Variants in ARHGAP6 observed in about 807,000 individuals in gnomAD.
ARHGAP6 encodes rho GTPase-activating protein 6.
ARHGAP6 carries 16 observed loss-of-function variants against 55.7 expected under a neutral mutation model. The observed-to-expected ratio is 0.29, with a 90% CI of 0.19 to 0.44. The LOEUF is 0.44. ARHGAP6 is among the 20% of genes least tolerant of loss of function. ARHGAP6 has a pLI of 1.00. For synonymous variants in ARHGAP6, 382 were observed against 360.9 expected (o/e 1.06, Z -0.66); for missense variants, 698 against 808.9 (o/e 0.86, Z 1.66).
At chrX:11,640,126 TA>T (rs1302282747) in intron 1 of ARHGAP6, among the ~76,000 whole-genome samples, 1 of 111,429 alleles carries the variant, frequency 9.0e-6, no homozygotes, top group Non-Finnish European at 1.9e-5. Flanking sequence ...TCCTTAGTTT[TA>T]AATCTAACAA....
intron 1 of ARHGAP6, among the ~76,000 whole-genome samples, chrX:11,594,537 C>G (rs772073562): frequency 1.8e-5 from 2 of 111,058 alleles, no homozygotes; most frequent in Non-Finnish European, 3.8e-5. Flanking sequence ...GTGAGCGTTG[C>G]GTGAGTGAAC....
chrX:11,495,040 G>C (rs764750178), intron 1 of ARHGAP6, among the ~76,000 whole-genome samples: 3 of 111,797 alleles, frequency 2.7e-5, no homozygotes, highest in Non-Finnish European at 5.6e-5. Flanking sequence ...CAGTAATAGA[G>C]AACCTCAGGC....
At chrX:11,212,356 C>G (rs1274137634) in intron 2 of ARHGAP6, among the ~76,000 whole-genome samples, 1 of 112,015 alleles carries the variant, frequency 8.9e-6, no homozygotes, top group African/African-American at 3.2e-5. Flanking sequence ...AACTCTGCAG[C>G]CTATACAGAG....
At chrX:11,140,466 T>TACTGATCTTTGCTTTCCCCCTTCCC (rs1437215373) in intron 12 of ARHGAP6, among the ~76,000 whole-genome samples, 1 of 108,050 alleles carries the variant, frequency 9.3e-6, no homozygotes, top group Non-Finnish European at 1.9e-5. Flanking sequence ...AATGCCTTCC[T>TACTGATCTTTGCTTTCCCCCTTCCC]ACTGATCTTT....
chrX:11,247,813 A>AT (rs1813954827), intron 2 of ARHGAP6, among the ~76,000 whole-genome samples: 1 of 111,636 alleles, frequency 9.0e-6, no homozygotes, highest in Admixed American at 9.5e-5. Context: ...TTTCTTGACT[A>AT]TTTTTTACAT....
chrX:11,466,934 A>G (rs1304239614), intron 1 of ARHGAP6, among the ~76,000 whole-genome samples: 2 of 112,759 alleles, frequency 1.8e-5, no homozygotes, highest in Non-Finnish European at 3.7e-5. Flanking sequence ...TATTTAAAAT[A>G]TGCATGAGTG....
intron 2 of ARHGAP6, among the ~76,000 whole-genome samples, chrX:11,218,143 C>T (rs988542599): frequency 1.8e-5 from 2 of 111,508 alleles, no homozygotes; most frequent in East Asian, 2.8e-4. Context: ...AGTCAGGTAG[C>T]GTGATGCCTC....
At chrX:11,427,459 G>C in intron 1 of ARHGAP6, 1 of 899,180 alleles carries the variant, frequency 1.1e-6, no homozygotes, top group Non-Finnish European at 1.4e-6. Context: ...GACCTGTGGG[G>C]AGCCCCGACT....
chrX:11,606,809 T>C (rs1032656892), intron 1 of ARHGAP6, among the ~76,000 whole-genome samples: 3 of 112,009 alleles, frequency 2.7e-5, no homozygotes, highest in Non-Finnish European at 5.6e-5. Context: ...GAAACCTATA[T>C]ATGAGGGGTA....
intron 1 of ARHGAP6, among the ~76,000 whole-genome samples, chrX:11,494,192 T>C (rs2050600146): frequency 8.9e-6 from 1 of 112,009 alleles, no homozygotes; most frequent in African/African-American, 3.2e-5. Flanking sequence ...TAGCCAGATG[T>C]CCTCTGAAGG....
chrX:11,246,651 T>A (rs2047356920), intron 2 of ARHGAP6, among the ~76,000 whole-genome samples: 1 of 111,497 alleles, frequency 9.0e-6, no homozygotes, highest in Non-Finnish European at 1.9e-5. Flanking sequence ...ACAGAAAAGG[T>A]GATTGTGGAC....
At chrX:11,362,429 C>A (rs913709122) in intron 1 of ARHGAP6, among the ~76,000 whole-genome samples, 21 of 110,080 alleles carry the variant, frequency 1.9e-4, no homozygotes, top group Non-Finnish European at 4.0e-4. Flanking sequence ...ACCGCAAGTT[C>A]TCACTCATAG....
chrX:11,568,679 C>T lies in ARHGAP6; in HGVS notation c.588+95562G>A, dbSNP rs749907600. 1.2e-4 allele frequency among the ~76,000 whole-genome samples: 13 copies of T among 108,132 alleles called. No homozygotes were observed. In the South Asian group the frequency reaches 3.7e-3, roughly 31 times the overall value. The allele number at this position is 108,132 out of a possible 115,157, so 93.9% of individuals were successfully genotyped here. A position where few individuals can be genotyped will look rare whatever the true frequency, so the allele number is the denominator to read the frequency against. On this transcript the variant is annotated intron_variant, in intron 1 of 12. Coordinates refer to ENST00000337414, the MANE Select transcript of ARHGAP6 (RefSeq NM_013427.3). ...GGCCAAGACACGAGAATCTCTTGAA[C>T]GCTAAGGGTAGAGGTTGCAGTGAGC... is the stretch of plus-strand genomic sequence containing the variant.
At chrX:11,513,266 C>A (rs2050802216) in intron 1 of ARHGAP6, among the ~76,000 whole-genome samples, 1 of 111,143 alleles carries the variant, frequency 9.0e-6, no homozygotes, top group Admixed American at 9.6e-5. Context: ...TCCTCCAGGA[C>A]CCCCCAGCAA....
chrX:11,264,570 C>A (rs1235751896), intron 1 of ARHGAP6, among the ~76,000 whole-genome samples: 1 of 111,741 alleles, frequency 8.9e-6, no homozygotes, highest in African/African-American at 3.2e-5. Flanking sequence ...ATTCTCAGTT[C>A]TAAGCTTCTC....
chrX:11,614,204 T>C (rs778983548), intron 1 of ARHGAP6, among the ~76,000 whole-genome samples: 1 of 111,873 alleles, frequency 8.9e-6, no homozygotes, highest in South Asian at 3.8e-4. Context: ...AAACTCTTAC[T>C]CCAGCCTTCT....
At chrX:11,345,909 T>C (rs1427542669) in intron 1 of ARHGAP6, among the ~76,000 whole-genome samples, 1 of 111,335 alleles carries the variant, frequency 9.0e-6, no homozygotes, top group Non-Finnish European at 1.9e-5. Flanking sequence ...AGAACCAATA[T>C]GGTAGCAATG....
intron 1 of ARHGAP6, among the ~76,000 whole-genome samples, chrX:11,377,838 C>A (rs904979075): frequency 5.4e-5 from 6 of 111,556 alleles, no homozygotes; most frequent in African/African-American, 2.0e-4. Flanking sequence ...AGCCAAGGAA[C>A]TGATCTGTGG....
At chrX:11,514,399 T>C (rs1290400048) in intron 1 of ARHGAP6, among the ~76,000 whole-genome samples, 1 of 110,211 alleles carries the variant, frequency 9.1e-6, no homozygotes, top group Non-Finnish European at 1.9e-5. Context: ...TATTTTGGCC[T>C]GGATAATTCA....
Sources: gnomAD v4.1 joint callset for allele counts (sites outside exome capture counted in the v4.1 genomes callset) on GRCh38, gnomAD v4.1.1 for gene constraint, MANE v1.5 for transcripts, NCBI Gene and HGNC (gene_info 2026-07-23, HGNC 2026-07-21) for gene names.